STXBP5L: variants seen among roughly 807,000 people sequenced by gnomAD.
STXBP5L encodes the protein syntaxin binding protein 5L, also known as syntaxin-binding protein 5-like.
A neutral mutation model predicts 144.5 loss-of-function variants in STXBP5L; 65 were observed. The observed-to-expected ratio is 0.45, with a 90% CI of 0.37 to 0.55. STXBP5L has a LOEUF of 0.55. Among genes scored for constraint, STXBP5L ranks in the 20% least tolerant of loss-of-function variants. The pLI, the probability that STXBP5L is intolerant of heterozygous loss-of-function variation, is 0.00. For missense variants in STXBP5L, 1,298 were observed against 1,405.5 expected, an observed-to-expected ratio of 0.92 and a Z score of 1.22; for synonymous variants, 505 against 469.6, an observed-to-expected ratio of 1.08 and a Z score of -0.97.
At chr3:121,248,857 T>G (rs1403682314) in intron 14 of STXBP5L, among the ~76,000 whole-genome samples, 2 of 152,228 alleles carry the variant, frequency 1.3e-5, no homozygotes, top group Non-Finnish European at 1.5e-5. Flanking sequence ...TTCACTCTTT[T>G]GCATATGGCT....
intron 5 of STXBP5L, among the ~76,000 whole-genome samples, chr3:121,072,594 C>T (rs1356960885): frequency 6.6e-6 from 1 of 152,198 alleles, no homozygotes; most frequent in African/African-American, 2.4e-5. Flanking sequence ...CAAACGAAGC[C>T]TTTTCATTAG....
chr3:121,277,878 A>G (rs1017218730), intron 18 of STXBP5L, among the ~76,000 whole-genome samples: 2 of 152,018 alleles, frequency 1.3e-5, no homozygotes, highest in Non-Finnish European at 2.9e-5. Flanking sequence ...GTAGCATAAA[A>G]TATTCTTAGC....
At position 121,257,229 on chromosome 3, in the gene STXBP5L, G is replaced by A. The variant is rs757374953; in HGVS notation, c.1728G>A (p.Pro576=). 49 of 1,613,628 alleles carry A rather than the reference G, an allele frequency of 3.0e-5. No individual in the cohort carries two copies. Among genetic ancestry groups the A allele is most frequent in the South Asian group, 4.4e-5 (4 of 91,060 alleles). ...IITPEPETSP[P]FPDLSAQLPS... ...CCCCTGAACCAGAAACAAGTCCTCC[G>A]TTTCCAGATCTCTCAGCCCAGCTTC... is the stretch of plus-strand genomic sequence containing the variant. Residue 576 remains proline (P), a synonymous_variant, in exon 17 of 27, where the codon CCG becomes CCA. Transcript: ENST00000471454.
intron 9 of STXBP5L, among the ~76,000 whole-genome samples, chr3:121,177,248 T>C (rs761356898): frequency 1.3e-5 from 2 of 152,108 alleles, no homozygotes; most frequent in Admixed American, 6.6e-5. Flanking sequence ...TAGATAGGCT[T>C]AATTCACCTA....
intron 2 of STXBP5L, among the ~76,000 whole-genome samples, chr3:120,935,227 C>T (rs1466984732): frequency 6.6e-6 from 1 of 151,542 alleles, no homozygotes; most frequent in Non-Finnish European, 1.5e-5. Flanking sequence ...TAATCCAAGA[C>T]CCCTTTAAAT....
chr3:121,227,628 C>T (rs2049161673), intron 11 of STXBP5L, among the ~76,000 whole-genome samples: 1 of 151,928 alleles, frequency 6.6e-6, no homozygotes, highest in Non-Finnish European at 1.5e-5. Context: ...GACTATAGCC[C>T]ATTGCAAATA....
chr3:121,127,268 A>G (rs1040766125), intron 7 of STXBP5L, among the ~76,000 whole-genome samples: 1 of 152,100 alleles, frequency 6.6e-6, no homozygotes. Flanking sequence ...GAGCCCTGAT[A>G]AGGAAAGAGT....
At chr3:121,121,732 G>A (rs2044475648) in intron 7 of STXBP5L, 28 bp downstream of exon 7, 1 of 1,516,124 alleles carries the variant, frequency 6.6e-7, no homozygotes, top group South Asian at 1.2e-5. Context: ...TTTATTATTA[G>A]TTTTATTTTC....
chr3:121,015,884 C>A (rs1945110905), intron 3 of STXBP5L, among the ~76,000 whole-genome samples: 1 of 152,126 alleles, frequency 6.6e-6, no homozygotes, highest in Non-Finnish European at 1.5e-5. Context: ...CCCAGACACA[C>A]AGACCCATTA....
intron 5 of STXBP5L, among the ~76,000 whole-genome samples, chr3:121,048,768 C>A (rs1273934181): frequency 6.6e-6 from 1 of 151,812 alleles, no homozygotes; most frequent in Non-Finnish European, 1.5e-5. Flanking sequence ...TCACTGCAAC[C>A]TCCGCCTCCC....
At chr3:121,053,384 C>A (rs544589161) in intron 5 of STXBP5L, among the ~76,000 whole-genome samples, 23 of 152,132 alleles carry the variant, frequency 1.5e-4, no homozygotes, top group African/African-American at 5.5e-4. Context: ...GTACTGGTAC[C>A]AAAACAGAGA....
At chr3:121,155,982 T>C (rs2046098240) in intron 8 of STXBP5L, among the ~76,000 whole-genome samples, 1 of 151,848 alleles carries the variant, frequency 6.6e-6, no homozygotes. Flanking sequence ...AAAGTTAACA[T>C]GTAGGGGAGG....
intron 8 of STXBP5L, 30 bp downstream of exon 8, chr3:121,152,590 G>T (rs2045969385): frequency 6.6e-7 from 1 of 1,504,130 alleles, no homozygotes. Flanking sequence ...ATGTTTGAAA[G>T]AGTATTGTGA....
intron 3 of STXBP5L, among the ~76,000 whole-genome samples, chr3:120,957,769 GGA>G (rs1938214172): frequency 6.6e-6 from 1 of 151,960 alleles, no homozygotes; most frequent in Admixed American, 6.6e-5. Flanking sequence ...GTGTGTAGAG[GGA>G]AATTTATAGC....
intron 4 of STXBP5L, among the ~76,000 whole-genome samples, chr3:121,042,326 A>G (rs1053392052): frequency 6.6e-6 from 1 of 152,056 alleles, no homozygotes; most frequent in African/African-American, 2.4e-5. Flanking sequence ...GTGATGAGGA[A>G]CTCTCTAAAA....
At chr3:121,110,395 T>G (rs1288439964) in intron 5 of STXBP5L, among the ~76,000 whole-genome samples, 5 of 152,204 alleles carry the variant, frequency 3.3e-5, no homozygotes, top group African/African-American at 1.2e-4. Flanking sequence ...TAGTGCTTCC[T>G]TTGGGAGCTC....
intron 7 of STXBP5L, among the ~76,000 whole-genome samples, chr3:121,135,146 C>G (rs1366073629): frequency 6.6e-6 from 1 of 152,210 alleles, no homozygotes; most frequent in Non-Finnish European, 1.5e-5. Context: ...TTGCATTTCT[C>G]TGATGGCCAG....
At chr3:121,052,728 G>T (rs9856303) in intron 5 of STXBP5L, among the ~76,000 whole-genome samples, 2 of 151,502 alleles carry the variant, frequency 1.3e-5, no homozygotes, top group African/African-American at 2.4e-5. Context: ...TCAACATAGT[G>T]TTGGAAGTTC....
In STXBP5L at chr3:121,259,105, T is replaced by C; in HGVS notation, c.1895T>C (p.Val632Ala). 1 of 1,606,230 alleles carries C rather than the reference T, an allele frequency of 6.2e-7. No homozygotes were observed. The highest frequency in any genetic ancestry group is 8.5e-7 in the Non-Finnish European group (1 of 1,175,396). The change falls in exon 18 of 27, where the codon GTG (valine) becomes GCG (alanine). Residue 632 changes from valine (V) to alanine (A), a missense_variant. By Grantham distance (64) the Val-to-Ala change is moderately conservative (BLOSUM62 0). Coordinates refer to ENST00000471454, the MANE Select transcript of STXBP5L (RefSeq NM_001308330.2). ...GYQAELVIQL[V>A]WVDGEPPQQI... ...CAAGCAGAACTTGTTATTCAATTGG[T>C]GTGGGTAGATGGTGAACCTCCACAA...
Sources: allele counts gnomAD v4.1 joint callset (sites outside exome capture counted in the v4.1 genomes callset), GRCh38; gene constraint gnomAD v4.1.1; transcripts MANE v1.5; gene names NCBI Gene and HGNC (gene_info 2026-07-23, HGNC 2026-07-21).